Variants in AMBRA1 observed in about 807,000 individuals in gnomAD.
AMBRA1 encodes autophagy and beclin 1 regulator 1.
Under a neutral mutation model 125.4 loss-of-function variants are expected in AMBRA1, and 47 were observed. The ratio of observed to expected loss-of-function variants is 0.37; its 90% CI spans 0.30 to 0.48. The LOEUF is 0.48. Ranked by LOEUF, AMBRA1 falls within the 20% of genes least tolerant of loss-of-function variation. AMBRA1 has a pLI of 0.99. For synonymous variants in AMBRA1, 626 were observed against 655.5 expected (o/e 0.95, Z 0.69); for missense variants, 1,331 against 1,693.4 (o/e 0.79, Z 3.76).
chr11:46,447,137 G>A (rs1270110249), intron 11 of AMBRA1, among the ~76,000 whole-genome samples: 3 of 152,182 alleles, frequency 2.0e-5, no homozygotes, highest in Admixed American at 2.0e-4. Flanking sequence ...GGTCGGGCAT[G>A]GTGGCTCACG....
chr11:46,424,852 A>G lies in AMBRA1; in HGVS notation c.2977-6800T>C, dbSNP rs148500124. The stretch of plus-strand genomic sequence containing the variant: ...GTGTCTTAAAAAAAATTTTAAACAA[A>G]TAGGCCAGGTGTAGTGGCTCATGCC... On this transcript the variant is annotated intron_variant, in intron 14 of 17. Coordinates refer to ENST00000683756, the MANE Select transcript of AMBRA1 (RefSeq NM_001387011.1). Among the ~76,000 whole-genome samples, 898 of 152,164 alleles carry G rather than the reference A, an allele frequency of 5.9e-3. 9 individuals carry two copies. The highest frequency in any genetic ancestry group is 9.0e-3 in the Non-Finnish European group (615 of 68,012).
chr11:46,488,911 T>G (rs1020338252), intron 11 of AMBRA1, among the ~76,000 whole-genome samples: 2 of 152,080 alleles, frequency 1.3e-5, no homozygotes, highest in Non-Finnish European at 2.9e-5. Flanking sequence ...GGTTTTTTTG[T>G]TTTTTTGTGT....
At chr11:46,454,184 T>A (rs185304081) in intron 11 of AMBRA1, among the ~76,000 whole-genome samples, 2 of 151,964 alleles carry the variant, frequency 1.3e-5, no homozygotes, top group African/African-American at 2.4e-5. Flanking sequence ...GAAATAGCTA[T>A]GAAATTTTTT....
At chr11:46,470,192 G>A (rs761706459) in intron 11 of AMBRA1, among the ~76,000 whole-genome samples, 21 of 152,088 alleles carry the variant, frequency 1.4e-4, no homozygotes, top group Non-Finnish European at 2.6e-4. Context: ...CCTATAACCC[G>A]AGCACTTTGG....
chr11:46,547,794 A>G, intron 3 of AMBRA1, 23 bp downstream of exon 3: 1 of 1,600,362 alleles, frequency 6.2e-7, no homozygotes, highest in Non-Finnish European at 8.5e-7. Context: ...ACAAATCTTA[A>G]GTTATAGATA....
intron 11 of AMBRA1, among the ~76,000 whole-genome samples, chr11:46,464,576 T>C (rs1374044983): frequency 6.6e-6 from 1 of 152,166 alleles, no homozygotes; most frequent in Non-Finnish European, 1.5e-5. Context: ...ATGAGTGTGT[T>C]ATTACATTAA....
At chr11:46,404,703 G>A (rs936714447) in intron 17 of AMBRA1, among the ~76,000 whole-genome samples, 1 of 152,120 alleles carries the variant, frequency 6.6e-6, no homozygotes, top group East Asian at 1.9e-4. Flanking sequence ...ATCCTCTACC[G>A]CCTACTCTAC....
intron 1 of AMBRA1, among the ~76,000 whole-genome samples, chr11:46,557,262 C>G (rs1340658690): frequency 6.9e-6 from 1 of 145,624 alleles, no homozygotes; most frequent in East Asian, 2.0e-4. Context: ...GATCACGCCA[C>G]TGCACTCCAG....
intron 1 of AMBRA1, among the ~76,000 whole-genome samples, chr11:46,581,231 G>A (rs1333974100): frequency 1.3e-5 from 2 of 152,074 alleles, no homozygotes; most frequent in Non-Finnish European, 2.9e-5. Context: ...CCGGGACTTT[G>A]GGAGGCCAAA....
chr11:46,499,022 G>T (rs987336872), intron 9 of AMBRA1, among the ~76,000 whole-genome samples: 2 of 152,146 alleles, frequency 1.3e-5, no homozygotes, highest in African/African-American at 4.8e-5. Context: ...ATATGCAAGG[G>T]CTTTGATTTC....
chr11:46,536,357 C>A (rs1952478032), intron 7 of AMBRA1, among the ~76,000 whole-genome samples: 1 of 152,072 alleles, frequency 6.6e-6, no homozygotes, highest in Non-Finnish European at 1.5e-5. Flanking sequence ...ACACATGCAA[C>A]AAAGAAAAGG....
At chr11:46,484,847 G>A (rs192776293) in intron 11 of AMBRA1, among the ~76,000 whole-genome samples, 166 of 150,896 alleles carry the variant, frequency 1.1e-3, no homozygotes, top group African/African-American at 3.8e-3. Flanking sequence ...GGGTTTCACC[G>A]TGTTAGCCAG....
intron 14 of AMBRA1, chr11:46,428,880 G>A: frequency 1.2e-6 from 2 of 1,611,854 alleles, no homozygotes; most frequent in Middle Eastern, 2.1e-4. Flanking sequence ...AGGATGGCAG[G>A]CACAATCTCT....
chr11:46,446,816 G>A (rs903199559), intron 11 of AMBRA1, among the ~76,000 whole-genome samples: 5 of 152,220 alleles, frequency 3.3e-5, no homozygotes, highest in African/African-American at 9.6e-5. Flanking sequence ...ACCACTACTA[G>A]AATGTCTGCT....
chr11:46,593,424 G>A (rs532874168), intron 1 of AMBRA1, among the ~76,000 whole-genome samples: 20 of 152,122 alleles, frequency 1.3e-4, no homozygotes, highest in Admixed American at 5.2e-4. Flanking sequence ...CCTACTCAAA[G>A]GTCCCTTCAA....
intron 1 of AMBRA1, among the ~76,000 whole-genome samples, chr11:46,551,646 G>T (rs573033607): frequency 6.6e-6 from 1 of 152,060 alleles, no homozygotes; most frequent in Non-Finnish European, 1.5e-5. Context: ...CAAGGTGGGC[G>T]GATCACCTGA....
intron 15 of AMBRA1, among the ~76,000 whole-genome samples, chr11:46,412,651 T>C (rs762435423): frequency 7.2e-5 from 11 of 152,204 alleles, no homozygotes; most frequent in Non-Finnish European, 1.5e-4. Context: ...TTATGGTTTG[T>C]TGACTCCATG....
chr11:46,479,105 G>A (rs573329220), intron 11 of AMBRA1, among the ~76,000 whole-genome samples: 61 of 152,212 alleles, frequency 4.0e-4, no homozygotes, highest in South Asian at 1.9e-3. Flanking sequence ...GGCTGAGGCC[G>A]GGGAATCACT....
At chr11:46,500,211 T>C (rs905149523) in intron 9 of AMBRA1, among the ~76,000 whole-genome samples, 15 of 152,190 alleles carry the variant, frequency 9.9e-5, no homozygotes, top group Non-Finnish European at 2.2e-4. Context: ...ACTGCTGTTC[T>C]AAGAAGCAGT....
Sources: gnomAD v4.1 joint callset for allele counts (sites outside exome capture counted in the v4.1 genomes callset) on GRCh38, gnomAD v4.1.1 for gene constraint, MANE v1.5 for transcripts, NCBI Gene and HGNC (gene_info 2026-07-23, HGNC 2026-07-21) for gene names.